The following CDH12 variants were observed in gnomAD, a reference collection of about 807,000 sequenced individuals.
The protein encoded by CDH12 is cadherin 12.
CDH12 carries 41 observed loss-of-function variants against 74.1 expected under a neutral mutation model. The ratio of observed to expected loss-of-function variants is 0.55; its 90% CI spans 0.43 to 0.72. The LOEUF is 0.72. Ranked by LOEUF, CDH12 falls within the 30% of genes least tolerant of loss-of-function variation. The pLI is 0.00. For synonymous variants in CDH12, 399 were observed against 355.0 expected, an observed-to-expected ratio of 1.12 and a Z score of -1.39; for missense variants, 945 against 977.2, an observed-to-expected ratio of 0.97 and a Z score of 0.44.
intron 5 of CDH12, among the ~76,000 whole-genome samples, chr5:22,054,271 A>T (rs1170082688): frequency 6.6e-6 from 1 of 152,172 alleles, no homozygotes; most frequent in Non-Finnish European, 1.5e-5. Context: ...CATATTCTAT[A>T]AAAGTTATAG....
At chr5:22,557,575 C>T (rs544305681) in intron 1 of CDH12, among the ~76,000 whole-genome samples, 22 of 152,184 alleles carry the variant, frequency 1.4e-4, no homozygotes, top group Non-Finnish European at 2.5e-4. Context: ...ATATAAAAGT[C>T]AGTTTCAAGT....
chr5:21,878,925 A>AAAG (rs1561266141), intron 6 of CDH12, among the ~76,000 whole-genome samples: 1 of 148,650 alleles, frequency 6.7e-6, no homozygotes, highest in East Asian at 2.0e-4. Flanking sequence ...GGAAGAAAGA[A>AAAG]AAAGAAAGAA....
chr5:22,069,952 T>G (rs1047365297), intron 5 of CDH12, among the ~76,000 whole-genome samples: 2 of 152,192 alleles, frequency 1.3e-5, no homozygotes, highest in Non-Finnish European at 2.9e-5. Context: ...CTGAGTTGCT[T>G]GCTGACAGCA....
intron 3 of CDH12, among the ~76,000 whole-genome samples, chr5:22,265,108 G>A (rs917075020): frequency 6.6e-6 from 1 of 152,158 alleles, no homozygotes; most frequent in Non-Finnish European, 1.5e-5. Flanking sequence ...TCAGACATGA[G>A]CTCTAGCCAG....
At chr5:22,664,056 G>A (rs538327730) in intron 1 of CDH12, among the ~76,000 whole-genome samples, 202 of 151,990 alleles carry the variant, frequency 1.3e-3, no homozygotes, top group Non-Finnish European at 2.6e-3. Context: ...TTAACATAAT[G>A]GTAAAAGATA....
At chr5:21,947,477 G>A (rs577467642) in intron 6 of CDH12, among the ~76,000 whole-genome samples, 1 of 152,180 alleles carries the variant, frequency 6.6e-6, no homozygotes, top group Admixed American at 6.5e-5. Flanking sequence ...AGAGCCCAAA[G>A]ATCACTCTTA....
chr5:22,511,709 T>C (rs1260989002), intron 1 of CDH12, among the ~76,000 whole-genome samples: 1 of 152,226 alleles, frequency 6.6e-6, no homozygotes, highest in East Asian at 1.9e-4. Context: ...GCAGGTAACC[T>C]GGACCGCAGG....
At chr5:21,924,748 T>G (rs1754513705) in intron 6 of CDH12, among the ~76,000 whole-genome samples, 1 of 152,194 alleles carries the variant, frequency 6.6e-6, no homozygotes. Context: ...TTCTCTTTTG[T>G]GGCTTACGGT....
At chr5:22,607,562 C>T (rs1000640355) in intron 1 of CDH12, among the ~76,000 whole-genome samples, 2 of 152,182 alleles carry the variant, frequency 1.3e-5, no homozygotes, top group South Asian at 4.1e-4. Context: ...AACGAATGGC[C>T]CCCATGATTC....
At chr5:22,743,008 C>G (rs1745105049) in intron 1 of CDH12, among the ~76,000 whole-genome samples, 1 of 151,390 alleles carries the variant, frequency 6.6e-6, no homozygotes, top group Non-Finnish European at 1.5e-5. Context: ...CTGAATAGAA[C>G]CAAAAGGCTA....
intron 3 of CDH12, among the ~76,000 whole-genome samples, chr5:22,404,644 C>A (rs1438708852): frequency 6.6e-6 from 1 of 152,080 alleles, no homozygotes; most frequent in Non-Finnish European, 1.5e-5. Context: ...AGACCTTTAA[C>A]ATGATATATT....
intron 1 of CDH12, among the ~76,000 whole-genome samples, chr5:22,537,745 C>T (rs985511831): frequency 2.6e-5 from 4 of 152,148 alleles, no homozygotes; most frequent in South Asian, 4.1e-4. Flanking sequence ...CGCTCCTGAC[C>T]GAAATTGTCC....
At chr5:22,810,188 G>A (rs1164067202) in intron 1 of CDH12, among the ~76,000 whole-genome samples, 6 of 152,106 alleles carry the variant, frequency 3.9e-5, no homozygotes, top group Admixed American at 3.9e-4. Flanking sequence ...CTGCCTTTGG[G>A]ACAAGTTCCA....
chr5:22,445,894 T>C lies in CDH12; in HGVS notation c.-427-40543A>G, dbSNP rs371108052. ...CTACATAAGCAAATGTGTCCTTCAA[T>C]AGACAAATCTCTTGCTGTTTATAAT... On this transcript the variant is annotated intron_variant, in intron 2 of 14. Transcript: ENST00000382254. 1.3e-4 allele frequency among the ~76,000 whole-genome samples: 20 copies of C among 152,250 alleles called. No homozygotes were observed. The East Asian group carries it at 2.5e-3, about 19-fold the overall frequency.
At chr5:22,796,440 C>T (rs1451406431) in intron 1 of CDH12, among the ~76,000 whole-genome samples, 1 of 151,126 alleles carries the variant, frequency 6.6e-6, no homozygotes, top group Non-Finnish European at 1.5e-5. Context: ...TAGTAGGATG[C>T]TGAACATTTT....
chr5:22,570,124 C>T (rs550499938), intron 1 of CDH12, among the ~76,000 whole-genome samples: 42 of 151,906 alleles, frequency 2.8e-4, no homozygotes, highest in African/African-American at 8.5e-4. Context: ...GGAGTGATCT[C>T]GGCTCACTGC....
At chr5:22,720,027 A>G (rs1440570082) in intron 1 of CDH12, among the ~76,000 whole-genome samples, 4 of 85,532 alleles carry the variant, frequency 4.7e-5, no homozygotes, top group Non-Finnish European at 1.1e-4. Context: ...ACTAGGATTC[A>G]CAAAAACACA....
At chr5:21,993,570 C>CA (rs1561002515) in intron 5 of CDH12, among the ~76,000 whole-genome samples, 1 of 152,194 alleles carries the variant, frequency 6.6e-6, no homozygotes, top group Non-Finnish European at 1.5e-5. Flanking sequence ...GAACTACCTA[C>CA]ACCCCAGCTC....
At chr5:22,492,441 G>A (rs893985360) in intron 2 of CDH12, among the ~76,000 whole-genome samples, 4 of 151,186 alleles carry the variant, frequency 2.6e-5, no homozygotes, top group African/African-American at 4.9e-5. Flanking sequence ...TCTGCCACCC[G>A]GGGTCAAGTG....
Sources: gnomAD v4.1 joint callset for allele counts (sites outside exome capture counted in the v4.1 genomes callset) on GRCh38, gnomAD v4.1.1 for gene constraint, MANE v1.5 for transcripts, NCBI Gene and HGNC (gene_info 2026-07-23, HGNC 2026-07-21) for gene names.